The following PRKCA variants were observed in gnomAD, a reference collection of about 807,000 sequenced individuals.
The protein encoded by PRKCA is protein kinase C alpha, also known as protein kinase C alpha type.
PRKCA carries 27 observed loss-of-function variants against 87.0 expected under a neutral mutation model. That is an observed-to-expected ratio of 0.31 (90% CI 0.23 to 0.43). PRKCA has a LOEUF of 0.43. Among genes scored for constraint, PRKCA ranks in the 20% least tolerant of loss-of-function variants. PRKCA has a pLI of 1.00. For missense variants in PRKCA, 518 were observed against 852.3 expected (o/e 0.61, Z 4.88); for synonymous variants, 329 against 311.1 (o/e 1.06, Z -0.61).
chr17:66,796,857 G>C (rs761026639), intron 16 of PRKCA: 11 of 985,378 alleles, frequency 1.1e-5, no homozygotes, highest in Non-Finnish European at 1.3e-5. Context: ...GTTCCCCTAC[G>C]ATGAAGTACC....
chr17:66,707,868 G>A (rs533604158), intron 8 of PRKCA, among the ~76,000 whole-genome samples: 17 of 152,288 alleles, frequency 1.1e-4, no homozygotes, highest in East Asian at 7.7e-4. Flanking sequence ...CTTTGTCCAC[G>A]TAGCAGTATC....
chr17:66,748,913 A>G (rs1974363170), intron 13 of PRKCA, among the ~76,000 whole-genome samples: 1 of 152,006 alleles, frequency 6.6e-6, no homozygotes, highest in South Asian at 2.1e-4. Flanking sequence ...TTCAGGAGGA[A>G]GGGGAGGGGC....
intron 3 of PRKCA, among the ~76,000 whole-genome samples, chr17:66,593,759 A>G (rs556051404): frequency 6.6e-6 from 1 of 152,312 alleles, no homozygotes; most frequent in East Asian, 1.9e-4. Flanking sequence ...TTGGAGGGCA[A>G]AGATTCAGGC....
chr17:66,618,839 G>T (rs188582551), intron 3 of PRKCA, among the ~76,000 whole-genome samples: 212 of 152,254 alleles, frequency 1.4e-3, no homozygotes, highest in Middle Eastern at 6.8e-3. Flanking sequence ...ATATCCTCAG[G>T]TATAAATCTT....
At chr17:66,394,209 G>A (rs1216942910) in intron 2 of PRKCA, among the ~76,000 whole-genome samples, 1 of 152,094 alleles carries the variant, frequency 6.6e-6, no homozygotes, top group Non-Finnish European at 1.5e-5. Flanking sequence ...TTTTTTGAAA[G>A]CAGAGGCCCA....
At chr17:66,644,171 A>G (rs922132002) in intron 4 of PRKCA, among the ~76,000 whole-genome samples, 1 of 152,252 alleles carries the variant, frequency 6.6e-6, no homozygotes, top group East Asian at 1.9e-4. Context: ...TGGAAATAGA[A>G]GCCTAATAGC....
chr17:66,746,746 T>G (rs916834318), intron 13 of PRKCA, among the ~76,000 whole-genome samples: 22 of 152,284 alleles, frequency 1.4e-4, no homozygotes, highest in African/African-American at 5.3e-4. Flanking sequence ...AGAAAATGAT[T>G]CCTAAAGCTG....
chr17:66,538,035 A>G (rs979151061), intron 3 of PRKCA, among the ~76,000 whole-genome samples: 4 of 152,142 alleles, frequency 2.6e-5, no homozygotes, highest in African/African-American at 9.7e-5. Flanking sequence ...TCCTGAGCTC[A>G]GGCAATCTGC....
intron 2 of PRKCA, among the ~76,000 whole-genome samples, chr17:66,490,948 G>C (rs778001580): frequency 6.6e-6 from 1 of 152,316 alleles, no homozygotes; most frequent in Admixed American, 6.5e-5. Flanking sequence ...CTTTCGACAA[G>C]TGGTGAAAAC....
At chr17:66,801,781 G>C (rs1975905476) in intron 16 of PRKCA, among the ~76,000 whole-genome samples, 1 of 152,148 alleles carries the variant, frequency 6.6e-6, no homozygotes, top group Admixed American at 6.5e-5. Context: ...ATGTCTGTAT[G>C]GCTCCACAGA....
Position 66,494,431 on chromosome 17 carries a change from C to T in PRKCA, c.206-1770C>T, listed in dbSNP as rs962710153. Among the ~76,000 whole-genome samples the T allele has an allele frequency of 3.3e-5, 5 of 152,160 alleles. No homozygotes were observed. The South Asian group carries it at 6.2e-4, about 19-fold the overall frequency. Reference sequence around the variant, plus strand: ...CCCAGGGGGAGGAAGACCTTGTCCTCGTGTGGCAGAAGGCAGAAGGGCAAA... The same window carrying T: ...CCCAGGGGGAGGAAGACCTTGTCCTTGTGTGGCAGAAGGCAGAAGGGCAAA... On this transcript the variant is annotated intron_variant, in intron 2 of 16. Coordinates refer to ENST00000413366, the MANE Select transcript of PRKCA (RefSeq NM_002737.3).
intron 8 of PRKCA, among the ~76,000 whole-genome samples, chr17:66,705,093 T>C (rs1011579945): frequency 6.6e-6 from 1 of 152,224 alleles, no homozygotes; most frequent in African/African-American, 2.4e-5. Flanking sequence ...AAAAAATCTA[T>C]GTGCCCCAAT....
chr17:66,519,861 A>G (rs570435179), intron 3 of PRKCA, among the ~76,000 whole-genome samples: 1 of 152,112 alleles, frequency 6.6e-6, no homozygotes, highest in African/African-American at 2.4e-5. Flanking sequence ...ACAACCCTAG[A>G]CTATGTTTCT....
intron 5 of PRKCA, 76 bp from the exon 6 acceptor site, chr17:66,687,035 T>C: frequency 7.7e-7 from 1 of 1,291,278 alleles, no homozygotes; most frequent in South Asian, 1.4e-5. Context: ...TTTATTCAGC[T>C]TGGTATTGAC....
At chr17:66,577,311 T>C (rs1309361260) in intron 3 of PRKCA, among the ~76,000 whole-genome samples, 1 of 152,182 alleles carries the variant, frequency 6.6e-6, no homozygotes, top group Non-Finnish European at 1.5e-5. Context: ...CTCTCTCACA[T>C]TGGTCAAGGC....
rs144053831 is a variant in PRKCA, at chr17:66,788,247, A to G, written c.1714-592A>G. Among the ~76,000 whole-genome samples the G allele has an allele frequency of 1.9e-3, 294 of 152,312 alleles. 2 individuals are homozygous for G. Among genetic ancestry groups the G allele is most frequent in the African/African-American group, 5.9e-3 (246 of 41,562 alleles). ...CAAGAGCAAGGCACTTGGAAGAGAT[A>G]CTGAGATCGGGAGGAACTGGCTTCT... On this transcript the variant is annotated intron_variant, in intron 15 of 16. Transcript: ENST00000413366.
At chr17:66,623,974 A>G (rs1970768311) in intron 3 of PRKCA, among the ~76,000 whole-genome samples, 1 of 152,134 alleles carries the variant, frequency 6.6e-6, no homozygotes, top group Admixed American at 6.5e-5. Context: ...TGACCAGGGC[A>G]GGGAGTAGGG....
At chr17:66,722,018 AATGGTTCAGTTT>A (rs1294556807) in intron 8 of PRKCA, among the ~76,000 whole-genome samples, 3 of 152,176 alleles carry the variant, frequency 2.0e-5, no homozygotes, top group Non-Finnish European at 2.9e-5. Flanking sequence ...GCCCTGGAGT[AATGGTTCAGTTT>A]CTGATTCTTA....
In PRKCA at chr17:66,804,487, G is replaced by T. The variant is rs1447039249; in HGVS notation, c.*450G>T. The T allele has an allele frequency of 6.5e-6, 1 of 154,556 alleles. No homozygotes were observed. The highest frequency in any genetic ancestry group is 1.4e-5 in the Non-Finnish European group (1 of 69,562). The allele number at this position is 154,556 out of a possible 1,614,324, so 9.6% of individuals were successfully genotyped here. A position where few individuals can be genotyped will look rare whatever the true frequency, so the allele number is the denominator to read the frequency against. ...TCCAAGAACAGGAAGCCAAGAGAGT[G>T]AGCAGGGAGGGATTGGGGGTGGGGG... On this transcript the variant is annotated 3_prime_UTR_variant, in exon 17 of 17. Coordinates refer to ENST00000413366, the MANE Select transcript of PRKCA (RefSeq NM_002737.3).
Sources: gnomAD v4.1 joint callset for allele counts (sites outside exome capture counted in the v4.1 genomes callset) on GRCh38, gnomAD v4.1.1 for gene constraint, MANE v1.5 for transcripts, NCBI Gene and HGNC (gene_info 2026-07-23, HGNC 2026-07-21) for gene names.